Variants in MTA2 observed in about 807,000 individuals in gnomAD.
MTA2 encodes metastasis associated 1 family member 2.
Under a neutral mutation model 87.1 loss-of-function variants are expected in MTA2, and 22 were observed. The observed-to-expected ratio is 0.25, with a 90% CI of 0.18 to 0.36. The LOEUF is 0.36. Ranked by LOEUF, MTA2 falls within the 10% of genes least tolerant of loss-of-function variation. The probability of loss-of-function intolerance (pLI) is 1.00; values close to 1 mark genes in which losing one functional copy is unlikely to be tolerated. For synonymous variants in MTA2, 314 were observed against 310.1 expected (o/e 1.01, Z -0.13); for missense variants, 542 against 853.2 (o/e 0.64, Z 4.54).
intron 6 of MTA2, 52 bp from the exon 7 acceptor site, chr11:62,597,764 G>A: frequency 6.8e-7 from 1 of 1,476,722 alleles, no homozygotes; most frequent in South Asian, 1.2e-5. Context: ...GGGAACAGTT[G>A]GTGTCTTTTC....
chr11:62,597,518 G>C lies in MTA2; in HGVS notation c.593+92C>G, dbSNP rs1942115643. The C allele has an allele frequency of 6.7e-6, 10 of 1,502,980 alleles. No individual in the cohort carries two copies. The Admixed American group carries it at 1.3e-4, about 19-fold the overall frequency. 93.1% of individuals were successfully genotyped at this position (1,502,980 alleles called of 1,614,324 possible). A position where few individuals can be genotyped will look rare whatever the true frequency, so the allele number is the denominator to read the frequency against. ...AAAGAAGGAAAACATCCATGGCAAT[G>C]AAAGAAATAAAGTCCATCTCTAAGA... is the stretch of plus-strand genomic sequence containing the variant. On this transcript the variant is annotated intron_variant, in intron 7 of 17. Transcript: ENST00000278823.
At chr11:62,594,097 A>G (rs1262749029) in intron 17 of MTA2, 57 bp from the exon 18 acceptor site, 11 of 1,552,520 alleles carry the variant, frequency 7.1e-6, no homozygotes, top group Non-Finnish European at 8.7e-6. Flanking sequence ...TAAGACCTCC[A>G]GGTGAAGCCC....
At position 62,596,795 on chromosome 11, in the gene MTA2, C is replaced by G. The variant is rs531843358; in HGVS notation, c.724G>C (p.Gly242Arg). The change falls in exon 9 of 18, where the codon GGC becomes CGC. Residue 242 changes from glycine to arginine, a missense_variant. Around this residue, in one of 6 missense-constraint regions of MTA2, gnomAD observed 44 missense variants for 104.8 expected, o/e 0.42. Transcript: ENST00000278823. ...FHAMDTLQRN[G>R]YDLAKAMSTL... ...GACATGGCCTTAGCCAGGTCGTAGC[C>G]GTTCCTTTGCAAGGTATCCATGGCG... 6.2e-7 allele frequency: 1 copy of G among 1,609,092 alleles called. No homozygotes were observed. The highest frequency in any genetic ancestry group is 8.5e-7 in the Non-Finnish European group (1 of 1,178,158).
rs550044227 is a variant in MTA2 at position 62,596,916 on chromosome 11, G to A, written c.694-91C>T. ...AAAACACTCCCACTCCCGGCCGGGC[G>A]CGGTGGCTCACACCCATAATCCCAG... On this transcript the variant is annotated intron_variant, in intron 8 of 17. Transcript: ENST00000278823. 1.1e-5 allele frequency: 15 copies of A among 1,339,386 alleles called. No homozygotes were observed. The South Asian group carries it at 1.1e-4, about 10-fold the overall frequency. The allele number at this position is 1,339,386 out of a possible 1,614,324, so 83.0% of individuals were successfully genotyped here. A position where few individuals can be genotyped will look rare whatever the true frequency, so the allele number is the denominator to read the frequency against.
chr11:62,595,885 T>C lies in MTA2; in HGVS notation c.1121A>G (p.Gln374Arg), dbSNP rs1236442808. 1 of 1,614,116 alleles carries C rather than the reference T, an allele frequency of 6.2e-7. No homozygotes were observed. Among genetic ancestry groups the C allele is most frequent in the Non-Finnish European group, 8.5e-7 (1 of 1,180,030 alleles). ...GLTCESCHTTQSAQWYAWGPP... is the reference protein window; with the variant it reads ...GLTCESCHTTRSAQWYAWGPP... Reference sequence around the variant, plus strand: ...GCCCCAGGCATACCACTGAGCAGACTGTGTGGCTGTAGAGTACGGAGAGGA... The same window carrying C: ...GCCCCAGGCATACCACTGAGCAGACCGTGTGGCTGTAGAGTACGGAGAGGA... Residue 374 changes from glutamine to arginine, a missense_variant, in exon 13 of 18, where the codon CAG becomes CGG. Physicochemically the swap from Gln to Arg is conservative, Grantham distance 43 (BLOSUM62 1). This residue lies in a region of MTA2 where 46 missense variants were observed against 109.1 expected (regional missense o/e 0.42). Coordinates refer to ENST00000278823, the MANE Select transcript of MTA2 (RefSeq NM_004739.4). The surrounding 1 kb of genome is among the most constrained non-coding windows in gnomAD (Gnocchi z 4.9).
In MTA2 at chr11:62,594,646, C is replaced by G. The variant is rs1328081549; in HGVS notation, c.1574-12G>C. ...GGGTGCCTGGGCCACTGGAAAAAAACAGAAAACTTTCGCACCTTTTCTTCC... is the reference window on the plus strand; with the variant it reads ...GGGTGCCTGGGCCACTGGAAAAAAAGAGAAAACTTTCGCACCTTTTCTTCC... On this transcript the variant is annotated splice_polypyrimidine_tract_variant and intron_variant, in intron 15 of 17. Transcript: ENST00000278823. 6.2e-7 allele frequency: 1 copy of G among 1,611,448 alleles called. No homozygotes were observed. Among genetic ancestry groups the G allele is most frequent in the East Asian group, 2.2e-5 (1 of 44,870 alleles).
At chr11:62,601,256 G>A in intron 1 of MTA2, 167 bp downstream of exon 1, 2 of 849,660 alleles carry the variant, frequency 2.4e-6, no homozygotes, top group South Asian at 1.6e-5. Flanking sequence ...CTGCCGCGTC[G>A]CGGTTCCCCG....
intron 1 of MTA2, chr11:62,601,048 C>A (rs1048646310): frequency 4.0e-6 from 2 of 500,022 alleles, no homozygotes; most frequent in Admixed American, 3.9e-5. Flanking sequence ...CGCACAATAA[C>A]GCCTGGGAAG....
intron 7 of MTA2, 69 bp downstream of exon 7, chr11:62,597,541 A>G: frequency 6.6e-7 from 1 of 1,523,396 alleles, no homozygotes; most frequent in South Asian, 1.1e-5. Context: ...TCCATCTCTA[A>G]GAACCATGGG....
chr11:62,596,858 G>A, intron 8 of MTA2, 33 bp from the exon 9 acceptor site: 1 of 1,567,492 alleles, frequency 6.4e-7, no homozygotes, highest in Non-Finnish European at 8.6e-7. Context: ...CTGAGGACCT[G>A]AAACTTTTGG....
chr11:62,595,548 C>A lies in MTA2; in HGVS notation c.1255-56G>T. The A allele has an allele frequency of 2.5e-6, 4 of 1,590,568 alleles. No individual in the cohort carries two copies. Among genetic ancestry groups the A allele is most frequent in the Non-Finnish European group, 3.4e-6 (4 of 1,161,728 alleles). On this transcript the variant is annotated intron_variant, in intron 13 of 17. Transcript: ENST00000278823. This position sits in a 1 kb window ranked among gnomAD's most constrained non-coding sequence, Gnocchi z 4.9. ...CAGAAATCAGCACTGAGGCTCCCTT[C>A]TTTCTTCCATTCCCTGCAGGGGACA...
Position 62,593,734 on chromosome 11 carries a change from C to A in MTA2, c.*141G>T. ...CGAGGTGGTAACACCAGAGGGCGCC[C>A]AACCCCTCCAGGGACACACACTCAC... On this transcript the variant is annotated 3_prime_UTR_variant, in exon 18 of 18. Transcript: ENST00000278823. The A allele has an allele frequency of 9.2e-7, 1 of 1,084,200 alleles. No individual in the cohort carries two copies. The highest frequency in any genetic ancestry group is 2.6e-5 in the East Asian group (1 of 38,058). 67.2% of individuals were successfully genotyped at this position (1,084,200 alleles called of 1,614,324 possible).
At chr11:62,594,207 A>G (rs1942064445) in intron 17 of MTA2, 52 bp downstream of exon 17, 5 of 1,606,952 alleles carry the variant, frequency 3.1e-6, no homozygotes, top group Admixed American at 3.4e-5. Flanking sequence ...TACTCCCCAC[A>G]CTCACCAGCC....
chr11:62,601,358 G>C, intron 1 of MTA2, 65 bp downstream of exon 1: 1 of 1,578,750 alleles, frequency 6.3e-7, no homozygotes, highest in South Asian at 1.1e-5. Flanking sequence ...CCGGTGCCGA[G>C]CCCCTCAGGT....
chr11:62,598,581 C>T lies in MTA2; in HGVS notation c.249G>A (p.Leu83=). 6.2e-7 allele frequency: 1 copy of T among 1,614,158 alleles called. No individual in the cohort carries two copies. The highest frequency in any genetic ancestry group is 8.5e-7 in the Non-Finnish European group (1 of 1,180,044). ...PGVSEQQRHQ[L]KHRELFLSRQ... is the part of the protein sequence containing the mutation. Reference sequence around the variant, plus strand: ...GAGAAAGAAAAAGTTCCCGGTGCTTCAGTTGATGGCGCTGCTGCTCAGACA... The same window carrying T: ...GAGAAAGAAAAAGTTCCCGGTGCTTTAGTTGATGGCGCTGCTGCTCAGACA... The change falls in exon 4 of 18, where the codon CTG becomes CTA. Residue 83 remains leucine (L), a synonymous_variant. Coordinates refer to ENST00000278823, the MANE Select transcript of MTA2 (RefSeq NM_004739.4).
intron 1 of MTA2, chr11:62,601,052 TG>T (rs1295627559): frequency 7.8e-5 from 39 of 498,898 alleles, no homozygotes; most frequent in Non-Finnish European, 3.2e-5. Context: ...CAATAACGCC[TG>T]GGAAGAGGAA....
intron 10 of MTA2, 44 bp from the exon 11 acceptor site, chr11:62,596,381 C>G (rs1200344045): frequency 6.2e-7 from 1 of 1,613,434 alleles, no homozygotes; most frequent in African/African-American, 1.3e-5. Context: ...AGCCTCATAG[C>G]AGGGAGAATG....
rs1026858112 is a variant in MTA2 at position 62,594,614 on chromosome 11, G to A, written c.1594C>T (p.Pro532Ser). 1 of 1,613,936 alleles carries A rather than the reference G, an allele frequency of 6.2e-7. No individual in the cohort carries two copies. Among genetic ancestry groups the A allele is most frequent in the Non-Finnish European group, 8.5e-7 (1 of 1,180,034 alleles). Residue 532 changes from proline (P) to serine (S), a missense_variant, in exon 16 of 18, where the codon CCA (proline) becomes TCA (serine). Physicochemically the swap from Pro to Ser is moderately conservative, Grantham distance 74. This residue lies in a region of MTA2 where 269 missense variants were observed against 346.4 expected (regional missense o/e 0.78). Transcript: ENST00000278823. ...KDLVAQAPLK[P>S]KTPRGTKTPI... ...GTCTTGGTACCCCGAGGTGTTTTTGGTTTCAGGGGTGCCTGGGCCACTGGA... is the reference window on the plus strand; with the variant it reads ...GTCTTGGTACCCCGAGGTGTTTTTGATTTCAGGGGTGCCTGGGCCACTGGA...
chr11:62,593,865 C>G lies in MTA2; in HGVS notation c.*10G>C. 6.2e-7 allele frequency: 1 copy of G among 1,614,068 alleles called. No homozygotes were observed. Among genetic ancestry groups the G allele is most frequent in the Non-Finnish European group, 8.5e-7 (1 of 1,179,980 alleles). ...CTACCTCTCAGCCCACCTCCCTTCC[C>G]CACAGGTGCTCAGTCCTCCAGGACA... is the stretch of plus-strand genomic sequence containing the variant. On this transcript the variant is annotated 3_prime_UTR_variant, in exon 18 of 18. Coordinates refer to ENST00000278823, the MANE Select transcript of MTA2 (RefSeq NM_004739.4).
Sources: allele counts gnomAD v4.1 joint callset, GRCh38; gene constraint gnomAD v4.1.1; regional missense constraint gnomAD v4.1.1; non-coding constraint Gnocchi (gnomAD v3.1); transcripts MANE v1.5; gene names NCBI Gene and HGNC (gene_info 2026-07-23, HGNC 2026-07-21).